Variants in CTNNA3 observed in about 807,000 individuals in gnomAD.
CTNNA3 encodes the protein catenin alpha-3.
In CTNNA3, 76 loss-of-function variants were observed where a neutral mutation model predicts 95.7. That is an observed-to-expected ratio of 0.79 (90% confidence interval 0.66 to 0.96). CTNNA3 has a LOEUF of 0.96. Ranked by LOEUF, CTNNA3 falls within the 40% of genes least tolerant of loss-of-function variation. The pLI is 0.00. For synonymous variants in CTNNA3, 431 were observed against 374.4 expected, an observed-to-expected ratio of 1.15 and a Z score of -1.74; for missense variants, 1,191 against 1,089.8, an observed-to-expected ratio of 1.09 and a Z score of -1.31.
chr10:66,220,819 C>T (rs2088887605), intron 13 of CTNNA3, among the ~76,000 whole-genome samples: 1 of 152,154 alleles, frequency 6.6e-6, no homozygotes, highest in African/African-American at 2.4e-5. Flanking sequence ...CATCAAGCTG[C>T]TTCTCTTCTC....
intron 7 of CTNNA3, among the ~76,000 whole-genome samples, chr10:66,978,959 C>CG (rs1564808868): frequency 1.2e-4 from 15 of 128,358 alleles, no homozygotes; most frequent in African/African-American, 4.3e-4. Flanking sequence ...ATACTTATTT[C>CG]CTTTTTTTTT....
In CTNNA3 at chr10:67,382,807, T is replaced by A. The variant is rs181766592; in HGVS notation, c.579+139035A>T. Among the ~76,000 whole-genome samples, 39 of 152,286 alleles carry A rather than the reference T, an allele frequency of 2.6e-4. No homozygotes were observed. The East Asian group carries it at 7.1e-3, about 28-fold the overall frequency. On this transcript the variant is annotated intron_variant, in intron 5 of 17. Coordinates refer to ENST00000433211, the MANE Select transcript of CTNNA3 (RefSeq NM_013266.4). The stretch of plus-strand genomic sequence containing the variant: ...GCAGAAGGTAAAGGGGGAGCCAGCA[T>A]ATCTCATGATGAAAGCGGGAACAAG...
At chr10:66,772,748 C>G (rs1840145650) in intron 8 of CTNNA3, among the ~76,000 whole-genome samples, 2 of 152,128 alleles carry the variant, frequency 1.3e-5, no homozygotes, top group South Asian at 4.1e-4. Context: ...CTCTGTCATT[C>G]CTCTTGGAAG....
chr10:67,378,884 C>T (rs183000416), intron 5 of CTNNA3, among the ~76,000 whole-genome samples: 210 of 152,198 alleles, frequency 1.4e-3, no homozygotes, highest in African/African-American at 4.6e-3. Flanking sequence ...TCCATTGAAG[C>T]ATTCTGGACT....
intron 5 of CTNNA3, among the ~76,000 whole-genome samples, chr10:67,401,704 TTGCAC>T (rs1285335365): frequency 6.6e-6 from 1 of 152,150 alleles, no homozygotes; most frequent in Non-Finnish European, 1.5e-5. Flanking sequence ...TATTTCCCCC[TTGCAC>T]TGCAGAACAC....
chr10:66,129,000 C>T (rs1216004168), intron 13 of CTNNA3, among the ~76,000 whole-genome samples: 1 of 151,696 alleles, frequency 6.6e-6, no homozygotes, highest in Non-Finnish European at 1.5e-5. Flanking sequence ...CGCAGTGGCT[C>T]ATGCCTGAAA....
chr10:66,437,615 G>C (rs1172277725), intron 11 of CTNNA3, among the ~76,000 whole-genome samples: 1 of 151,990 alleles, frequency 6.6e-6, no homozygotes, highest in Non-Finnish European at 1.5e-5. Flanking sequence ...CTTTTATCAA[G>C]GTTCTTAGCT....
chr10:66,028,450 A>G lies in CTNNA3; in HGVS notation c.2160-39653T>C, dbSNP rs565665692. ...ATGAGTTCATGTCCTTTGTAAGGACATAGATGAAGCTGGAAACCATCATTC... is the reference window on the plus strand; with the variant it reads ...ATGAGTTCATGTCCTTTGTAAGGACGTAGATGAAGCTGGAAACCATCATTC... On this transcript the variant is annotated intron_variant, in intron 15 of 17. Transcript: ENST00000433211. Among the ~76,000 whole-genome samples the G allele has an allele frequency of 3.3e-5, 5 of 152,290 alleles. No individual in the cohort carries two copies. In the East Asian group the frequency reaches 9.7e-4, roughly 29 times the overall value.
At position 67,083,170 on chromosome 10, in the gene CTNNA3, G is replaced by GA. The variant is rs879466639; in HGVS notation, c.1047+97146dup. On this transcript the variant is annotated intron_variant, in intron 7 of 17. Transcript: ENST00000433211. ...ATATCCATAGGTCTACCTAATTTGA[G>GA]AAAAAAAAAAACTTCCTTTATTCGA... Among the ~76,000 whole-genome samples the GA allele has an allele frequency of 1.7e-3, 245 of 144,390 alleles. 1 individual carries two copies. Among genetic ancestry groups the GA allele is most frequent in the Admixed American group, 3.7e-3 (54 of 14,506 alleles). 94.7% of individuals were successfully genotyped at this position (144,390 alleles called of 152,430 possible).
chr10:66,099,330 C>G (rs941155096), intron 14 of CTNNA3, among the ~76,000 whole-genome samples: 4 of 152,120 alleles, frequency 2.6e-5, no homozygotes, highest in Non-Finnish European at 5.9e-5. Flanking sequence ...AAAAGTTACA[C>G]TCAGTGCAAT....
chr10:66,109,150 C>G (rs576756847), intron 13 of CTNNA3, among the ~76,000 whole-genome samples: 3 of 152,210 alleles, frequency 2.0e-5, no homozygotes, highest in Non-Finnish European at 4.4e-5. Flanking sequence ...ACCATAGCCC[C>G]GTGCCACAAA....
chr10:66,053,141 C>G (rs1163235398), intron 15 of CTNNA3, among the ~76,000 whole-genome samples: 1 of 151,992 alleles, frequency 6.6e-6, no homozygotes, highest in African/African-American at 2.4e-5. Context: ...TACTTTTAAA[C>G]TCATTGGACT....
At chr10:67,712,445 G>C (rs1464334877) in intron 1 of CTNNA3, among the ~76,000 whole-genome samples, 1 of 152,244 alleles carries the variant, frequency 6.6e-6, no homozygotes, top group Non-Finnish European at 1.5e-5. Flanking sequence ...AGAGGCCTAG[G>C]GGGAAAGAAT....
At chr10:66,237,314 A>G (rs2089901476) in intron 13 of CTNNA3, among the ~76,000 whole-genome samples, 1 of 152,160 alleles carries the variant, frequency 6.6e-6, no homozygotes, top group Non-Finnish European at 1.5e-5. Flanking sequence ...CAATTTTCTT[A>G]TAGCATTCTG....
chr10:67,589,621 T>C (rs1023857048), intron 3 of CTNNA3, among the ~76,000 whole-genome samples: 2 of 152,140 alleles, frequency 1.3e-5, no homozygotes, highest in African/African-American at 2.4e-5. Context: ...TATTCCACTA[T>C]TTTTTCCTGT....
intron 2 of CTNNA3, among the ~76,000 whole-genome samples, chr10:67,630,196 A>G (rs966829550): frequency 1.3e-5 from 2 of 152,206 alleles, no homozygotes; most frequent in African/African-American, 4.8e-5. Context: ...AAGGGAATGT[A>G]ATAGTTATTA....
intron 5 of CTNNA3, among the ~76,000 whole-genome samples, chr10:67,477,880 G>A (rs544347259): frequency 6.6e-5 from 10 of 152,160 alleles, no homozygotes; most frequent in East Asian, 1.9e-4. Flanking sequence ...TTCAAAGCAC[G>A]AACTGCAAAT....
At position 65,925,300 on chromosome 10, in the gene CTNNA3, C is replaced by T. The variant is rs565619859; in HGVS notation, c.2401-4683G>A. Among the ~76,000 whole-genome samples, 145 of 152,196 alleles carry T rather than the reference C, an allele frequency of 9.5e-4. 2 individuals are homozygous for T. The highest frequency in any genetic ancestry group is 1.6e-3 in the Admixed American group (25 of 15,278). On this transcript the variant is annotated intron_variant, in intron 17 of 17. Coordinates refer to ENST00000433211, the MANE Select transcript of CTNNA3 (RefSeq NM_013266.4). ...AGCAAACAGACAACAACAATAAAAT[C>T]GAAACAGTAAAAATGAAACTGTCCC... is the stretch of plus-strand genomic sequence containing the variant.
At chr10:67,255,900 T>C (rs1866330346) in intron 5 of CTNNA3, among the ~76,000 whole-genome samples, 1 of 152,170 alleles carries the variant, frequency 6.6e-6, no homozygotes, top group South Asian at 2.1e-4. Flanking sequence ...AACACTCTTC[T>C]AATTCTTGCA....
Sources: gnomAD v4.1 joint callset for allele counts (sites outside exome capture counted in the v4.1 genomes callset) on GRCh38, gnomAD v4.1.1 for gene constraint, MANE v1.5 for transcripts, NCBI Gene and HGNC (gene_info 2026-07-23, HGNC 2026-07-21) for gene names.